Variants in IL1RAPL2 observed in about 807,000 individuals in gnomAD.
The protein encoded by IL1RAPL2 is X-linked interleukin-1 receptor accessory protein-like 2.
A neutral mutation model predicts 44.1 loss-of-function variants in IL1RAPL2; 3 were observed. The observed-to-expected ratio is 0.07, with a 90% CI of 0.03 to 0.18. The LOEUF (loss-of-function observed/expected upper bound fraction) is 0.18, where lower values mean the gene tolerates loss of function less well. IL1RAPL2 is among the 10% of genes least tolerant of loss of function. The pLI, the probability that IL1RAPL2 is intolerant of heterozygous loss-of-function variation, is 1.00. For synonymous variants in IL1RAPL2, 181 were observed against 178.8 expected, an observed-to-expected ratio of 1.01 and a Z score of -0.10; for missense variants, 391 against 496.4, an observed-to-expected ratio of 0.79 and a Z score of 2.02.
rs1335036259 is a variant in IL1RAPL2 at position 105,071,902 on chromosome X, T to C, written c.83-123573T>C. Among the ~76,000 whole-genome samples, 3 of 111,772 alleles carry C rather than the reference T, an allele frequency of 2.7e-5. No individual in the cohort carries two copies. The East Asian group carries it at 8.4e-4, about 31-fold the overall frequency. On this transcript the variant is annotated intron_variant, in intron 2 of 10. Transcript: ENST00000372582. The stretch of plus-strand genomic sequence containing the variant: ...AAAGACTTAAATATAAGACCTAAAA[T>C]TGTAAAGATACTGGAAGAAAACACA...
intron 10 of IL1RAPL2, among the ~76,000 whole-genome samples, chrX:105,764,855 C>T (rs774335256): frequency 3.0e-4 from 34 of 111,633 alleles, no homozygotes; most frequent in Non-Finnish European, 6.0e-4. Flanking sequence ...AAAACTAACA[C>T]ATAAAAATTA....
In IL1RAPL2 at chrX:105,451,717, A is replaced by G. The variant is rs755541737; in HGVS notation, c.698-32596A>G. Among the ~76,000 whole-genome samples, 4 of 111,972 alleles carry G rather than the reference A, an allele frequency of 3.6e-5. No individual in the cohort carries two copies. In the South Asian group the frequency reaches 1.5e-3, roughly 41 times the overall value. ...GAAAAGATGAGGTATGTGTGCAAGC[A>G]TAATATCTATAAAGAGAAGTTAAAA... On this transcript the variant is annotated intron_variant, in intron 5 of 10. Coordinates refer to ENST00000372582, the MANE Select transcript of IL1RAPL2 (RefSeq NM_017416.2).
intron 5 of IL1RAPL2, among the ~76,000 whole-genome samples, chrX:105,464,927 G>A (rs2036117776): frequency 9.0e-6 from 1 of 111,079 alleles, no homozygotes; most frequent in Admixed American, 9.6e-5. Context: ...CACATCTTTG[G>A]GATATGGGGG....
At chrX:105,360,515 G>A (rs2035239919) in intron 5 of IL1RAPL2, among the ~76,000 whole-genome samples, 2 of 110,973 alleles carry the variant, frequency 1.8e-5, no homozygotes, top group African/African-American at 6.5e-5. Flanking sequence ...AGGTGCTCTG[G>A]AAAAAAATTA....
rs1264982129 is a variant in IL1RAPL2, at chrX:105,233,704, C to A, written c.357-114C>A. On this transcript the variant is annotated intron_variant, in intron 3 of 10. Coordinates refer to ENST00000372582, the MANE Select transcript of IL1RAPL2 (RefSeq NM_017416.2). ...CTCTGTGTTGCTTTGATGTTTTTTTCTGATTTCTAGGCAAGGTCCTAAATG... is the reference window on the plus strand; with the variant it reads ...CTCTGTGTTGCTTTGATGTTTTTTTATGATTTCTAGGCAAGGTCCTAAATG... 4 of 584,656 alleles carry A rather than the reference C, an allele frequency of 6.8e-6. No homozygotes were observed. The African/African-American group carries it at 9.2e-5, about 13-fold the overall frequency. The allele number at this position is 584,656 out of a possible 1,213,427, so 48.2% of individuals were successfully genotyped here. A position where few individuals can be genotyped will look rare whatever the true frequency, so the allele number is the denominator to read the frequency against.
In IL1RAPL2 at chrX:104,943,675, A is replaced by G. The variant is rs145284326; in HGVS notation, c.83-251800A>G. On this transcript the variant is annotated intron_variant, in intron 2 of 10. Coordinates refer to ENST00000372582, the MANE Select transcript of IL1RAPL2 (RefSeq NM_017416.2). ...CTTCTTCCTTCTTAGTGACAGCCAC[A>G]TCAACCACACCACTTAAAATTGCAA... 9.1e-3 allele frequency among the ~76,000 whole-genome samples: 1,011 copies of G among 111,618 alleles called. 7 individuals carry two copies. Among genetic ancestry groups the G allele is most frequent in the African/African-American group, 0.031 (955 of 30,774 alleles).
At chrX:105,597,861 G>T (rs933589923) in intron 6 of IL1RAPL2, among the ~76,000 whole-genome samples, 1 of 111,602 alleles carries the variant, frequency 9.0e-6, no homozygotes, top group Non-Finnish European at 1.9e-5. Context: ...TTGCAGAAAT[G>T]TAAATTGGTA....
intron 5 of IL1RAPL2, among the ~76,000 whole-genome samples, chrX:105,290,767 C>T (rs772813470): frequency 4.9e-4 from 55 of 111,670 alleles, no homozygotes; most frequent in Non-Finnish European, 8.3e-4. Flanking sequence ...GAGTACAGGT[C>T]TCTTCCTCAA....
Position 105,380,882 on chromosome X carries a change from T to G in IL1RAPL2, c.698-103431T>G, listed in dbSNP as rs145227501. Among the ~76,000 whole-genome samples the G allele has an allele frequency of 3.7e-3, 413 of 111,515 alleles. 3 individuals carry two copies. Among genetic ancestry groups the G allele is most frequent in the African/African-American group, 0.013 (385 of 30,750 alleles). On this transcript the variant is annotated intron_variant, in intron 5 of 10. Transcript: ENST00000372582. ...GAATTCTCTGGGTTCCATTTCACTCTGCAGAATTGATACAAATACAACAGG... is the reference window on the plus strand; with the variant it reads ...GAATTCTCTGGGTTCCATTTCACTCGGCAGAATTGATACAAATACAACAGG...
chrX:105,729,020 T>C (rs765797345), intron 7 of IL1RAPL2, among the ~76,000 whole-genome samples: 91 of 111,419 alleles, frequency 8.2e-4, no homozygotes, highest in African/African-American at 2.8e-3. Context: ...ACTTAGTATA[T>C]GCATTTAAGG....
intron 2 of IL1RAPL2, among the ~76,000 whole-genome samples, chrX:104,787,139 A>C (rs1368232255): frequency 1.8e-5 from 2 of 111,288 alleles, no homozygotes; most frequent in African/African-American, 3.3e-5. Context: ...AGCAGTGAAC[A>C]AAACAAAGTT....
At chrX:105,042,899 T>TA (rs2031772090) in intron 2 of IL1RAPL2, among the ~76,000 whole-genome samples, 1 of 106,968 alleles carries the variant, frequency 9.3e-6, no homozygotes, top group Non-Finnish European at 1.9e-5. Flanking sequence ...TATGCAGCCA[T>TA]AAAAAAGGAT....
At chrX:104,729,828 G>A (rs958523897) in intron 2 of IL1RAPL2, among the ~76,000 whole-genome samples, 10 of 110,840 alleles carry the variant, frequency 9.0e-5, no homozygotes, top group African/African-American at 3.0e-4. Context: ...TCCTGCAAAG[G>A]ACATGGTCTC....
At chrX:105,715,522 T>G (rs1412181161) in intron 6 of IL1RAPL2, among the ~76,000 whole-genome samples, 1 of 111,556 alleles carries the variant, frequency 9.0e-6, no homozygotes, top group African/African-American at 3.3e-5. Flanking sequence ...ATTTACATGC[T>G]TAGCCCAGCT....
At chrX:104,791,821 C>T (rs868604852) in intron 2 of IL1RAPL2, among the ~76,000 whole-genome samples, 4 of 111,499 alleles carry the variant, frequency 3.6e-5, no homozygotes, top group African/African-American at 1.3e-4. Flanking sequence ...GACCATAGAA[C>T]TAATGTATTT....
At chrX:105,726,050 A>G (rs2038348489) in intron 7 of IL1RAPL2, among the ~76,000 whole-genome samples, 1 of 111,175 alleles carries the variant, frequency 9.0e-6, no homozygotes. Flanking sequence ...GCCTACCTAA[A>G]ACATGTTTGT....
intron 2 of IL1RAPL2, among the ~76,000 whole-genome samples, chrX:104,877,724 A>G (rs185333300): frequency 1.4e-4 from 16 of 111,848 alleles, no homozygotes; most frequent in Admixed American, 7.6e-4. Flanking sequence ...CCTTGAATCA[A>G]TTGAGCTGTC....
At chrX:104,690,302 T>C (rs751824932) in intron 2 of IL1RAPL2, among the ~76,000 whole-genome samples, 2 of 112,613 alleles carry the variant, frequency 1.8e-5, no homozygotes, top group African/African-American at 6.4e-5. Flanking sequence ...TCAAATGTGA[T>C]CTGTTAATAA....
Position 105,673,190 on chromosome X carries a change from A to G in IL1RAPL2, c.773-44177A>G, listed in dbSNP as rs778689318. Among the ~76,000 whole-genome samples the G allele has an allele frequency of 4.8e-4, 54 of 111,657 alleles. 1 individual carries two copies. Among genetic ancestry groups the G allele is most frequent in the Admixed American group, 9.6e-5 (1 of 10,392 alleles). ...CTATTTTTAGTTTTAGTTCTGGGGT[A>G]CATATGCAGTATGTGAAGGTTTGTA... is the stretch of plus-strand genomic sequence containing the variant. On this transcript the variant is annotated intron_variant, in intron 6 of 10. Coordinates refer to ENST00000372582, the MANE Select transcript of IL1RAPL2 (RefSeq NM_017416.2).
Sources: allele counts gnomAD v4.1 joint callset (sites outside exome capture counted in the v4.1 genomes callset), GRCh38; gene constraint gnomAD v4.1.1; transcripts MANE v1.5; gene names NCBI Gene and HGNC (gene_info 2026-07-23, HGNC 2026-07-21).